PDE6A: variants seen among roughly 807,000 people sequenced by gnomAD.
PDE6A encodes the protein phosphodiesterase 6A.
Under a neutral mutation model 106.3 loss-of-function variants are expected in PDE6A, and 84 were observed. The ratio of observed to expected loss-of-function variants is 0.79; its 90% CI spans 0.66 to 0.95. The LOEUF is 0.95. Among genes scored for constraint, PDE6A ranks in the 40% least tolerant of loss-of-function variants. The pLI, the probability that PDE6A is intolerant of heterozygous loss-of-function variation, is 0.00. For synonymous variants in PDE6A, 394 were observed against 386.6 expected, an observed-to-expected ratio of 1.02 and a Z score of -0.23; for missense variants, 1,052 against 1,084.9, an observed-to-expected ratio of 0.97 and a Z score of 0.43.
intron 1 of PDE6A, among the ~76,000 whole-genome samples, chr5:149,942,757 T>C (rs73271609): frequency 1.4e-3 from 209 of 151,966 alleles, no homozygotes; most frequent in African/African-American, 4.9e-3. Flanking sequence ...AAGGTCTCTG[T>C]GTCATAAGTT....
chr5:149,917,316 T>A (rs949523525), intron 5 of PDE6A, among the ~76,000 whole-genome samples: 5 of 152,038 alleles, frequency 3.3e-5, no homozygotes, highest in African/African-American at 1.2e-4. Flanking sequence ...AAAACCAAAC[T>A]GTTCCTTTAC....
In PDE6A at chr5:149,904,312, G is replaced by A. The variant is rs146943687; in HGVS notation, c.1066-617C>T. 4.9e-4 allele frequency among the ~76,000 whole-genome samples: 74 copies of A among 152,272 alleles called. 1 individual carries two copies. In the East Asian group the frequency reaches 0.012, roughly 24 times the overall value. ...GGGCAGGTAGGGGTTTTTCCTTTGCGTATAAACCCCAAAGTAGAATAATAA... is the reference window on the plus strand; with the variant it reads ...GGGCAGGTAGGGGTTTTTCCTTTGCATATAAACCCCAAAGTAGAATAATAA... On this transcript the variant is annotated intron_variant, in intron 7 of 21. Transcript: ENST00000255266.
chr5:149,885,840 T>C (rs1752273224), intron 14 of PDE6A, among the ~76,000 whole-genome samples: 1 of 152,236 alleles, frequency 6.6e-6, no homozygotes, highest in African/African-American at 2.4e-5. Context: ...CTTGCTCTTT[T>C]GAGCTTCTAG....
rs35852293 is a variant in PDE6A, at chr5:149,884,195, A to ATATAT, written c.2027+283_2027+284insATATA. Among the ~76,000 whole-genome samples the ATATAT allele has an allele frequency of 7.0e-4, 97 of 138,758 alleles. 2 individuals carry two copies. The highest frequency in any genetic ancestry group is 4.0e-3 in the Middle Eastern group (1 of 252). The allele number at this position is 138,758 out of a possible 152,430, so 91.0% of individuals were successfully genotyped here. On this transcript the variant is annotated intron_variant, in intron 16 of 21. Transcript: ENST00000255266. ...AGATCCTGTCTCAAAAAAGAAAAAA[A>ATATAT]AAAAATATATATATATATATACACA... is the stretch of plus-strand genomic sequence containing the variant.
At chr5:149,926,957 A>G (rs1332302414) in intron 4 of PDE6A, among the ~76,000 whole-genome samples, 4 of 149,952 alleles carry the variant, frequency 2.7e-5, no homozygotes, top group Non-Finnish European at 5.9e-5. Flanking sequence ...CAGCCTGGGC[A>G]ACAAGAGCGA....
At chr5:149,901,042 A>G (rs1425876400) in intron 8 of PDE6A, among the ~76,000 whole-genome samples, 1 of 152,028 alleles carries the variant, frequency 6.6e-6, no homozygotes, top group Non-Finnish European at 1.5e-5. Context: ...CAGCCTCCCA[A>G]GTAGCTGGGA....
chr5:149,924,470 T>TTG (rs1311628792), intron 4 of PDE6A, among the ~76,000 whole-genome samples: 30 of 150,522 alleles, frequency 2.0e-4, no homozygotes, highest in Non-Finnish European at 3.8e-4. Context: ...TATATTTAGT[T>TTG]ATAAGAATAT....
In PDE6A at chr5:149,866,154, G is replaced by A. The variant is rs1441034628; in HGVS notation, c.2358+16C>T. ...TCAAAGACATCTTGTTGCGGCTGAGGAAGCCAAGGGCCTACCTTGTAGACG... is the reference window on the plus strand; with the variant it reads ...TCAAAGACATCTTGTTGCGGCTGAGAAAGCCAAGGGCCTACCTTGTAGACG... On this transcript the variant is annotated intron_variant, in intron 20 of 21. Transcript: ENST00000255266. 1 of 1,596,130 alleles carries A rather than the reference G, an allele frequency of 6.3e-7. No individual in the cohort carries two copies. The highest frequency in any genetic ancestry group is 1.7e-5 in the Admixed American group (1 of 59,984).
At chr5:149,933,236 G>C (rs1754094587) in intron 3 of PDE6A, among the ~76,000 whole-genome samples, 1 of 152,140 alleles carries the variant, frequency 6.6e-6, no homozygotes. Flanking sequence ...CCAAAGTGCT[G>C]GGATTATGGG....
intron 3 of PDE6A, chr5:149,931,954 A>T (rs547152896): frequency 8.6e-7 from 1 of 1,167,306 alleles, no homozygotes; most frequent in East Asian, 2.3e-5. Flanking sequence ...AGAAGTTTGC[A>T]AATCTTTTAT....
chr5:149,932,523 A>T, intron 3 of PDE6A: 4 of 1,366,322 alleles, frequency 2.9e-6, no homozygotes, highest in Non-Finnish European at 4.2e-6. Flanking sequence ...CATTATTATC[A>T]CGCTAGCATT....
rs764962408 is a variant in PDE6A at position 149,883,433 on chromosome 5, C to T, written c.2131G>A (p.Val711Ile). ...TTTAACCCCATCCCAACTCACATAA[C>T]GATTTCCTTCCGTGTCTGCTCCAGC... ...MMLEQTRKEI[V>I]MAMMMTACDL... The change falls in exon 17 of 22, where the codon GTT becomes ATT. Residue 711 changes from valine to isoleucine, a missense_variant. By Grantham distance (29) the Val-to-Ile change is conservative (BLOSUM62 3). Transcript: ENST00000255266. The T allele has an allele frequency of 1.7e-5, 27 of 1,608,646 alleles. No individual in the cohort carries two copies. Among genetic ancestry groups the T allele is most frequent in the African/African-American group, 4.0e-5 (3 of 74,818 alleles).
chr5:149,916,620 A>T (rs1317531789), intron 5 of PDE6A, among the ~76,000 whole-genome samples: 1 of 152,156 alleles, frequency 6.6e-6, no homozygotes, highest in Non-Finnish European at 1.5e-5. Flanking sequence ...CTAGCATGCA[A>T]TTGGATGTTG....
chr5:149,884,852 CA>C lies in PDE6A; in HGVS notation c.1853del (p.Leu618ArgfsTer27). On this transcript the variant is annotated frameshift_variant, in exon 15 of 22. Coordinates refer to ENST00000255266, the MANE Select transcript of PDE6A (RefSeq NM_000440.3). LOFTEE classifies it high-confidence loss of function. Reference sequence around the variant, plus strand: ...AGATAGAGGACCCATGGAGCTTGGCCAGTGGGTTCTGGGATCTGAATGAGAA... The same window carrying C: ...AGATAGAGGACCCATGGAGCTTGGCCGTGGGTTCTGGGATCTGAATGAGAA... ...NLYQMKSQNP[L>X]AKLHGSSILE... 6.2e-7 allele frequency: 1 copy of C among 1,613,986 alleles called. No individual in the cohort carries two copies. The highest frequency in any genetic ancestry group is 1.1e-5 in the South Asian group (1 of 91,078).
intron 1 of PDE6A, among the ~76,000 whole-genome samples, chr5:149,940,373 C>A (rs1754295515): frequency 6.6e-6 from 1 of 152,156 alleles, no homozygotes. Context: ...ATTGCCCGGC[C>A]CCTGGATGCC....
intron 6 of PDE6A, among the ~76,000 whole-genome samples, chr5:149,912,693 A>G (rs866197539): frequency 6.6e-6 from 1 of 152,184 alleles, no homozygotes; most frequent in Non-Finnish European, 1.5e-5. Flanking sequence ...GCTAGCTGGC[A>G]GTGCACCCAT....
At chr5:149,928,671 G>T (rs936314082) in intron 4 of PDE6A, among the ~76,000 whole-genome samples, 1 of 152,028 alleles carries the variant, frequency 6.6e-6, no homozygotes, top group Non-Finnish European at 1.5e-5. Context: ...TAATTCTATG[G>T]GACCATGGTA....
intron 8 of PDE6A, among the ~76,000 whole-genome samples, chr5:149,902,043 T>C (rs1296256964): frequency 6.6e-6 from 1 of 152,178 alleles, no homozygotes; most frequent in Non-Finnish European, 1.5e-5. Context: ...GAAGAATTAG[T>C]CTGACACGGA....
rs368326333 is a variant in PDE6A, at chr5:149,877,261, TA to T, written c.2135+6167del. 3.9e-3 allele frequency among the ~76,000 whole-genome samples: 598 copies of T among 152,206 alleles called. 6 individuals are homozygous for T. Among genetic ancestry groups the T allele is most frequent in the African/African-American group, 0.014 (575 of 41,532 alleles). The stretch of plus-strand genomic sequence containing the variant: ...GGGGAGTGCCTGGCAATTAAAGTTG[TA>T]AAAACTCTTGAACAAATAGTCTGGG... On this transcript the variant is annotated intron_variant, in intron 17 of 21. Transcript: ENST00000255266.
Sources: gnomAD v4.1 joint callset for allele counts (sites outside exome capture counted in the v4.1 genomes callset) on GRCh38, gnomAD v4.1.1 for gene constraint, MANE v1.5 for transcripts, NCBI Gene and HGNC (gene_info 2026-07-23, HGNC 2026-07-21) for gene names.